Variants in VTI1A observed in about 807,000 individuals in gnomAD.
VTI1A encodes the protein vesicle transport through interaction with t-SNAREs homolog 1A.
Under a neutral mutation model 34.9 loss-of-function variants are expected in VTI1A, and 22 were observed. The observed-to-expected ratio is 0.63, with a 90% CI of 0.45 to 0.90. The LOEUF is 0.90. Among genes scored for constraint, VTI1A ranks in the 40% least tolerant of loss-of-function variants. VTI1A has a pLI of 0.00. For missense variants in VTI1A, 268 were observed against 275.6 expected (o/e 0.97, Z 0.20); for synonymous variants, 87 against 97.3 (o/e 0.89, Z 0.62).
intron 7 of VTI1A, among the ~76,000 whole-genome samples, chr10:112,803,634 T>C (rs1249391102): frequency 1.3e-5 from 2 of 152,174 alleles, no homozygotes; most frequent in African/African-American, 4.8e-5. Flanking sequence ...GATGTGGTAA[T>C]GTGTGCCTGT....
At chr10:112,593,045 T>C (rs970706524) in intron 5 of VTI1A, among the ~76,000 whole-genome samples, 3 of 152,196 alleles carry the variant, frequency 2.0e-5, no homozygotes, top group Non-Finnish European at 4.4e-5. Context: ...ATACTAAAAC[T>C]AGATGCAGTC....
chr10:112,721,958 G>T (rs1033606915), intron 7 of VTI1A, among the ~76,000 whole-genome samples: 1 of 152,134 alleles, frequency 6.6e-6, no homozygotes, highest in African/African-American at 2.4e-5. Context: ...GGTGCTGAGA[G>T]ATGTTAGATG....
chr10:112,813,181 G>C (rs976258271), intron 7 of VTI1A, among the ~76,000 whole-genome samples: 2 of 152,202 alleles, frequency 1.3e-5, no homozygotes, highest in African/African-American at 2.4e-5. Context: ...CACCAAGGAG[G>C]GGGTGAAGCC....
intron 7 of VTI1A, among the ~76,000 whole-genome samples, chr10:112,726,495 CAGGAAGGCTTCAT>C (rs1850032385): frequency 6.6e-6 from 1 of 152,146 alleles, no homozygotes; most frequent in African/African-American, 2.4e-5. Context: ...GCCCCAGACC[CAGGAAGGCTTCAT>C]AAAACCAACA....
chr10:112,760,141 A>G (rs1851412044), intron 7 of VTI1A, among the ~76,000 whole-genome samples: 1 of 152,160 alleles, frequency 6.6e-6, no homozygotes, highest in Non-Finnish European at 1.5e-5. Flanking sequence ...AACAATTTCA[A>G]ACACAGTAGT....
intron 5 of VTI1A, among the ~76,000 whole-genome samples, chr10:112,614,836 C>G (rs538270784): frequency 6.6e-6 from 1 of 152,288 alleles, no homozygotes; most frequent in South Asian, 2.1e-4. Flanking sequence ...AGATCTGTGA[C>G]AGCAAGGCTC....
the VTI1A span, among the ~76,000 whole-genome samples, chr10:112,837,582 ACT>A: frequency 3.9e-5 from 6 of 151,988 alleles, no homozygotes; most frequent in South Asian, 2.1e-4. Context: ...CAGACATGTG[ACT>A]CTGAGCAATT....
chr10:112,512,700 C>A (rs73365026), intron 3 of VTI1A, among the ~76,000 whole-genome samples: 255 of 152,226 alleles, frequency 1.7e-3, no homozygotes, highest in African/African-American at 6.0e-3. Context: ...GGTCCTTAAT[C>A]CACTTTGAAT....
chr10:112,648,013 G>A (rs957930081), intron 5 of VTI1A, among the ~76,000 whole-genome samples: 3 of 152,198 alleles, frequency 2.0e-5, no homozygotes, highest in East Asian at 1.9e-4. Flanking sequence ...CAAGCAATCC[G>A]CCCGCCTCAG....
chr10:112,846,956 G>C, the VTI1A span, among the ~76,000 whole-genome samples: 9 of 152,128 alleles, frequency 5.9e-5, no homozygotes, highest in African/African-American at 2.2e-4. Context: ...CAGGAGGAAT[G>C]CAGCCCTGCC....
intron 7 of VTI1A, among the ~76,000 whole-genome samples, chr10:112,689,355 C>G (rs1490696669): frequency 6.6e-6 from 1 of 152,136 alleles, no homozygotes; most frequent in Non-Finnish European, 1.5e-5. Flanking sequence ...ATGTGTTAAC[C>G]AAGTGTAATG....
At chr10:112,633,997 C>G (rs560986631) in intron 5 of VTI1A, among the ~76,000 whole-genome samples, 1 of 152,206 alleles carries the variant, frequency 6.6e-6, no homozygotes, top group African/African-American at 2.4e-5. Context: ...ATCCAAACAC[C>G]TTTTTCCCAG....
At chr10:112,757,419 T>G (rs1012049874) in intron 7 of VTI1A, among the ~76,000 whole-genome samples, 27 of 130,846 alleles carry the variant, frequency 2.1e-4, no homozygotes, top group Admixed American at 1.4e-3. Context: ...CAGGCTGGAG[T>G]GCAGTGACAC....
At chr10:112,454,761 T>A (rs1589783380) in intron 1 of VTI1A, among the ~76,000 whole-genome samples, 1 of 151,794 alleles carries the variant, frequency 6.6e-6, no homozygotes, top group East Asian at 1.9e-4. Context: ...AATAGTATAT[T>A]TTATATAATA....
chr10:112,706,708 T>TA (rs1264078976), intron 7 of VTI1A, among the ~76,000 whole-genome samples: 1 of 152,172 alleles, frequency 6.6e-6, no homozygotes, highest in Non-Finnish European at 1.5e-5. Context: ...GCTTTCGACT[T>TA]ACATGCACTC....
intron 5 of VTI1A, among the ~76,000 whole-genome samples, chr10:112,614,685 A>G (rs984882911): frequency 6.6e-6 from 1 of 152,126 alleles, no homozygotes; most frequent in African/African-American, 2.4e-5. Flanking sequence ...TGGAGATTTT[A>G]TGGGCCTGGT....
At chr10:112,604,269 G>A (rs1335195612) in intron 5 of VTI1A, among the ~76,000 whole-genome samples, 1 of 151,968 alleles carries the variant, frequency 6.6e-6, no homozygotes, top group African/African-American at 2.4e-5. Context: ...TACAAAATGG[G>A]GCTTGTAACA....
chr10:112,531,126 C>A (rs1589868268), intron 4 of VTI1A, among the ~76,000 whole-genome samples: 1 of 151,598 alleles, frequency 6.6e-6, no homozygotes, highest in African/African-American at 2.4e-5. Context: ...CGCGCGCGCG[C>A]ATGAACCCTC....
intron 5 of VTI1A, among the ~76,000 whole-genome samples, chr10:112,664,267 A>G (rs1847564998): frequency 6.6e-6 from 1 of 152,172 alleles, no homozygotes; most frequent in African/African-American, 2.4e-5. Flanking sequence ...TTTCCTGGTG[A>G]ATTAGATTTG....
Sources: gnomAD v4.1 joint callset for allele counts (sites outside exome capture counted in the v4.1 genomes callset) on GRCh38, gnomAD v4.1.1 for gene constraint, MANE v1.5 for transcripts, NCBI Gene and HGNC (gene_info 2026-07-23, HGNC 2026-07-21) for gene names.